The following GALNT4 variants were observed in gnomAD, a reference collection of about 807,000 sequenced individuals.
GALNT4 encodes the protein polypeptide N-acetylgalactosaminyltransferase 4, also known as UDP-GalNAc:polypeptide N-acetylgalactosaminyltransferase 4.
Under a neutral mutation model 45.1 loss-of-function variants are expected in GALNT4, and 23 were observed. The ratio of observed to expected loss-of-function variants is 0.51; its 90% CI spans 0.37 to 0.72. The LOEUF is 0.72. Among genes scored for constraint, GALNT4 ranks in the 30% least tolerant of loss-of-function variants. The pLI is 0.00. For missense variants in GALNT4, 757 were observed against 709.0 expected, an observed-to-expected ratio of 1.07 and a Z score of -0.77; for synonymous variants, 264 against 257.6, an observed-to-expected ratio of 1.02 and a Z score of -0.24.
chr12:89,524,671 A>T lies in GALNT4; in HGVS notation c.-122T>A, dbSNP rs1014501331. 1 of 1,066,136 alleles carries T rather than the reference A, an allele frequency of 9.4e-7. No homozygotes were observed. The highest frequency in any genetic ancestry group is 1.6e-5 in the African/African-American group (1 of 62,788). The allele number at this position is 1,066,136 out of a possible 1,614,324, so 66.0% of individuals were successfully genotyped here. A position where few individuals can be genotyped will look rare whatever the true frequency, so the allele number is the denominator to read the frequency against. On this transcript the variant is annotated 5_prime_UTR_variant, in exon 1 of 1. Coordinates refer to ENST00000529983, the MANE Select transcript of GALNT4 (RefSeq NM_003774.5). ...AGGTTCTTCCTTTCATGCAGGCGCT[A>T]GGCTCCTTTCCAGCCACCCAGGCTT... is the stretch of plus-strand genomic sequence containing the variant.
At position 89,523,151 on chromosome 12, in the gene GALNT4, GGTT is replaced by G; in HGVS notation, c.1396_1398del (p.Asn466del). 6.2e-7 allele frequency: 1 copy of G among 1,613,666 alleles called. No individual in the cohort carries two copies. The highest frequency in any genetic ancestry group is 8.5e-7 in the Non-Finnish European group (1 of 1,179,636). ...AACAGTGAAAGGTTAGCACCTGTGG[GGTT>G]GTTGTCAGGAGAATTATAATCTAAA... On this transcript the variant is annotated inframe_deletion, in exon 1 of 1. Coordinates refer to ENST00000529983, the MANE Select transcript of GALNT4 (RefSeq NM_003774.5).
Position 89,524,669 on chromosome 12 carries a change from C to A in GALNT4, c.-120G>T. The A allele has an allele frequency of 1.9e-6, 2 of 1,077,114 alleles. No homozygotes were observed. Among genetic ancestry groups the A allele is most frequent in the Non-Finnish European group, 2.7e-6 (2 of 746,764 alleles). The allele number at this position is 1,077,114 out of a possible 1,614,324, so 66.7% of individuals were successfully genotyped here. On this transcript the variant is annotated 5_prime_UTR_variant, in exon 1 of 1. Coordinates refer to ENST00000529983, the MANE Select transcript of GALNT4 (RefSeq NM_003774.5). ...GCAGGTTCTTCCTTTCATGCAGGCG[C>A]TAGGCTCCTTTCCAGCCACCCAGGC...
At position 89,521,098 on chromosome 12, in the gene GALNT4, A is replaced by ATTTTTTTTTTTT. The variant is rs201411448; in HGVS notation, c.*1714_*1715insAAAAAAAAAAAA. 8.8e-6 allele frequency: 1 copy of ATTTTTTTTTTTT among 113,248 alleles called. No homozygotes were observed. The highest frequency in any genetic ancestry group is 3.5e-5 in the African/African-American group (1 of 28,636). 7.0% of individuals were successfully genotyped at this position (113,248 alleles called of 1,614,324 possible). On this transcript the variant is annotated 3_prime_UTR_variant, in exon 1 of 1. Coordinates refer to ENST00000529983, the MANE Select transcript of GALNT4 (RefSeq NM_003774.5). ...CACTTCAGGTGAGTTCAGCTCACTT[A>ATTTTTTTTTTTT]TTTTATTATTATTTTTTTTTTTTGA...
At position 89,521,472 on chromosome 12, in the gene GALNT4, T is replaced by G. The variant is rs1361303727; in HGVS notation, c.*1341A>C. Reference sequence around the variant, plus strand: ...ACAACTGGACTGAACATTGCTCAACTGCTCAACAACATTACCTATGTCAAA... The same window carrying G: ...ACAACTGGACTGAACATTGCTCAACGGCTCAACAACATTACCTATGTCAAA... On this transcript the variant is annotated 3_prime_UTR_variant, in exon 1 of 1. Coordinates refer to ENST00000529983, the MANE Select transcript of GALNT4 (RefSeq NM_003774.5). 4 of 152,384 alleles carry G rather than the reference T, an allele frequency of 2.6e-5. No homozygotes were observed. The highest frequency in any genetic ancestry group is 5.9e-5 in the Non-Finnish European group (4 of 68,076). 9.4% of individuals were successfully genotyped at this position (152,384 alleles called of 1,614,324 possible).
Position 89,524,286 on chromosome 12 carries a change from A to G in GALNT4, c.264T>C (p.Asp88=), listed in dbSNP as rs957707952. ...TGAGTTCTTCTTGCTGCTTCAGTTC[A>G]TCCTCGTTGAGCTGGAGTTTGCTGG... The part of the protein sequence containing the change: ...GKASKLQLNE[D]ELKQQEELIE... The change falls in exon 1 of 1, where the codon GAT becomes GAC. Residue 88 remains aspartate (D), a synonymous_variant. Coordinates refer to ENST00000529983, the MANE Select transcript of GALNT4 (RefSeq NM_003774.5). 5.6e-6 allele frequency: 9 copies of G among 1,613,868 alleles called. No individual in the cohort carries two copies. The highest frequency in any genetic ancestry group is 5.0e-5 in the Admixed American group (3 of 60,006).
Position 89,523,889 on chromosome 12 carries a change from C to T in GALNT4, c.661G>A (p.Asp221Asn), listed in dbSNP as rs1345066115. Residue 221 changes from aspartate to asparagine, a missense_variant, in exon 1 of 1, where the codon GAC becomes AAC. Coordinates refer to ENST00000529983, the MANE Select transcript of GALNT4 (RefSeq NM_003774.5). ...TGACAATCCAGGAAAGTGAGGACGT[C>T]CCCAGTGGCGAAAGTGGCCCCAATC... ...RLIGATFATG[D>N]VLTFLDCHCE... The T allele has an allele frequency of 6.3e-7, 1 of 1,581,856 alleles. No homozygotes were observed. Among genetic ancestry groups the T allele is most frequent in the Non-Finnish European group, 8.6e-7 (1 of 1,167,554 alleles).
rs751077687 is a variant in GALNT4, at chr12:89,522,822, A to C, written c.1728T>G (p.Phe576Leu). The change falls in exon 1 of 1, where the codon TTT becomes TTG. Residue 576 changes from phenylalanine (F) to leucine (L), a missense_variant. Phe to Leu is a conservative substitution (Grantham distance 22). Coordinates refer to ENST00000529983, the MANE Select transcript of GALNT4 (RefSeq NM_003774.5). Reference sequence around the variant, plus strand: ...AAAGTGCTGTTGTGCTCTATTTCTCAAAACTCCAAATTTGATTTTTATCTA... The same window carrying C: ...AAAGTGCTGTTGTGCTCTATTTCTCCAAACTCCAAATTTGATTTTTATCTA... The part of the protein sequence containing the change: ...DALDKNQIWS[F>L]EK 1.3e-6 allele frequency: 2 copies of C among 1,580,346 alleles called. No homozygotes were observed. The highest frequency in any genetic ancestry group is 1.7e-6 in the Non-Finnish European group (2 of 1,164,874).
In GALNT4 at chr12:89,524,317, C is replaced by A. The variant is rs1871216155; in HGVS notation, c.233G>T (p.Gly78Val). Residue 78 changes from glycine to valine, a missense_variant, in exon 1 of 1, where the codon GGG becomes GTG. Physicochemically the swap from Gly to Val is moderately radical, Grantham distance 109. Coordinates refer to ENST00000529983, the MANE Select transcript of GALNT4 (RefSeq NM_003774.5). ...GTTGAGCTGGAGTTTGCTGGCTTTC[C>A]CCCACTCCCCAAGTGCACGGGAATC... ...PADSRALGEW[G>V]KASKLQLNED... The A allele has an allele frequency of 4.3e-6, 7 of 1,613,940 alleles. No individual in the cohort carries two copies. Among genetic ancestry groups the A allele is most frequent in the Non-Finnish European group, 5.1e-6 (6 of 1,179,886 alleles).
In GALNT4 at chr12:89,523,859, C is replaced by A; in HGVS notation, c.691G>T (p.Glu231Ter). The change falls in exon 1 of 1, where the codon GAG becomes TAG. Residue 231 changes from glutamate (E) to a stop codon, truncating the protein, a stop_gained. Transcript: ENST00000529983. LOFTEE classifies it high-confidence loss of function. ...GGTTCCAGCCAACCGGAATTACACT[C>A]ACAGTGACAATCCAGGAAAGTGAGG... ...DVLTFLDCHC[E>*]CNSGWLEPLL... 3 of 1,560,442 alleles carry A rather than the reference C, an allele frequency of 1.9e-6. No individual in the cohort carries two copies. Among genetic ancestry groups the A allele is most frequent in the Admixed American group, 2.0e-5 (1 of 50,280 alleles).
chr12:89,522,805 G>A lies in GALNT4; in HGVS notation c.*8C>T. 1 of 1,567,726 alleles carries A rather than the reference G, an allele frequency of 6.4e-7. No individual in the cohort carries two copies. Among genetic ancestry groups the A allele is most frequent in the South Asian group, 1.2e-5 (1 of 82,350 alleles). On this transcript the variant is annotated 3_prime_UTR_variant, in exon 1 of 1. Transcript: ENST00000529983. ...ACTGTCAGCTCATGACGAAAGTGCT[G>A]TTGTGCTCTATTTCTCAAAACTCCA...
chr12:89,522,944 C>T lies in GALNT4; in HGVS notation c.1606G>A (p.Asp536Asn). Residue 536 changes from aspartate (D) to asparagine (N), a missense_variant, in exon 1 of 1, where the codon GAT becomes AAT. By Grantham distance (23) the Asp-to-Asn change is conservative. Coordinates refer to ENST00000529983, the MANE Select transcript of GALNT4 (RefSeq NM_003774.5). Reference sequence around the variant, plus strand: ...GAGTGTGGGTGAAAAATAGTTCCATCTTCTTTAAAATGCCAAATAATGTTT... The same window carrying T: ...GAGTGTGGGTGAAAAATAGTTCCATTTTCTTTAAAATGCCAAATAATGTTT... ...PANIIWHFKE[D>N]GTIFHPHSGL... 6.2e-7 allele frequency: 1 copy of T among 1,614,068 alleles called. No individual in the cohort carries two copies. The highest frequency in any genetic ancestry group is 8.5e-7 in the Non-Finnish European group (1 of 1,179,900).
chr12:89,523,890 C>T lies in GALNT4; in HGVS notation c.660G>A (p.Gly220=), dbSNP rs1360658345. 8 of 1,582,170 alleles carry T rather than the reference C, an allele frequency of 5.1e-6. No homozygotes were observed. In the South Asian group the frequency reaches 9.4e-5, roughly 19 times the overall value. ...ARLIGATFAT[G]DVLTFLDCHC... ...GACAATCCAGGAAAGTGAGGACGTC[C>T]CCAGTGGCGAAAGTGGCCCCAATCA... is the stretch of plus-strand genomic sequence containing the variant. Residue 220 remains glycine, a synonymous_variant, in exon 1 of 1, where the codon GGG becomes GGA. Transcript: ENST00000529983.
In GALNT4 at chr12:89,524,613, G is replaced by A; in HGVS notation, c.-64C>T. ...GCCACCACGCAGGGGAAGGGCGGCGGAACCCACAGCTCGAGCTCAGGTACT... is the reference window on the plus strand; with the variant it reads ...GCCACCACGCAGGGGAAGGGCGGCGAAACCCACAGCTCGAGCTCAGGTACT... On this transcript the variant is annotated 5_prime_UTR_variant, in exon 1 of 1. Transcript: ENST00000529983. The A allele has an allele frequency of 1.9e-6, 3 of 1,546,152 alleles. No individual in the cohort carries two copies. In the Admixed American group the frequency reaches 5.3e-5, roughly 27 times the overall value.
chr12:89,524,609 GGC>G lies in GALNT4; in HGVS notation c.-62_-61del, dbSNP rs753409061. On this transcript the variant is annotated 5_prime_UTR_variant, in exon 1 of 1. An upstream open reading frame in the 5' UTR gains an earlier in-frame stop. Transcript: ENST00000529983. ...CCAAGCCACCACGCAGGGGAAGGGCGGCGGAACCCACAGCTCGAGCTCAGGTA... is the reference window on the plus strand; with the variant it reads ...CCAAGCCACCACGCAGGGGAAGGGCGGGAACCCACAGCTCGAGCTCAGGTA... 5.3e-4 allele frequency: 829 copies of G among 1,563,070 alleles called. No homozygotes were observed. Among genetic ancestry groups the G allele is most frequent in the Non-Finnish European group, 6.2e-4 (703 of 1,142,152 alleles).
rs1871055963 is a variant in GALNT4, at chr12:89,523,141, G to GCTT, written c.1408_1409insAAG (p.Gly469_Ala470insGlu). ...ATGGCATCCAAACAGTGAAAGGTTA[G>GCTT]CACCTGTGGGGTTGTTGTCAGGAGA... On this transcript the variant is annotated inframe_insertion, in exon 1 of 1. Transcript: ENST00000529983. 4.3e-6 allele frequency: 7 copies of GCTT among 1,613,854 alleles called. No individual in the cohort carries two copies. Among genetic ancestry groups the GCTT allele is most frequent in the Non-Finnish European group, 4.2e-6 (5 of 1,179,756 alleles).
rs1250294964 is a variant in GALNT4, at chr12:89,522,802, G to T, written c.*11C>A. The T allele has an allele frequency of 5.8e-6, 9 of 1,558,306 alleles. No individual in the cohort carries two copies. Among genetic ancestry groups the T allele is most frequent in the Non-Finnish European group, 6.1e-6 (7 of 1,154,992 alleles). On this transcript the variant is annotated 3_prime_UTR_variant, in exon 1 of 1. Coordinates refer to ENST00000529983, the MANE Select transcript of GALNT4 (RefSeq NM_003774.5). ...ACTACTGTCAGCTCATGACGAAAGT[G>T]CTGTTGTGCTCTATTTCTCAAAACT...
Position 89,524,254 on chromosome 12 carries a change from C to A in GALNT4, c.296G>T (p.Arg99Ile), listed in dbSNP as rs757121302. The change falls in exon 1 of 1, where the codon AGA (arginine) becomes ATA (isoleucine). Residue 99 changes from arginine (R) to isoleucine (I), a missense_variant. By Grantham distance (97) the Arg-to-Ile change is moderately conservative. Transcript: ENST00000529983. ...ELKQQEELIE[R>I]YAINIYLSDR... ...ACTGAGGTAAATATTGATGGCGTATCTCTCAATGAGTTCTTCTTGCTGCTT... is the reference window on the plus strand; with the variant it reads ...ACTGAGGTAAATATTGATGGCGTATATCTCAATGAGTTCTTCTTGCTGCTT... 45 of 1,613,856 alleles carry A rather than the reference C, an allele frequency of 2.8e-5. No individual in the cohort carries two copies. Among genetic ancestry groups the A allele is most frequent in the Non-Finnish European group, 3.7e-5 (44 of 1,179,876 alleles).
chr12:89,524,446 G>A lies in GALNT4; in HGVS notation c.104C>T (p.Ser35Phe). 6.2e-7 allele frequency: 1 copy of A among 1,613,908 alleles called. No individual in the cohort carries two copies. The highest frequency in any genetic ancestry group is 8.5e-7 in the Non-Finnish European group (1 of 1,179,888). The change falls in exon 1 of 1, where the codon TCC becomes TTC. Residue 35 changes from serine to phenylalanine, a missense_variant. Coordinates refer to ENST00000529983, the MANE Select transcript of GALNT4 (RefSeq NM_003774.5). ...CTCCCTGGCACGGCCGGCTCCTGCGGAGGCATGAAAAGTAGAGACCAAGAG... is the reference window on the plus strand; with the variant it reads ...CTCCCTGGCACGGCCGGCTCCTGCGAAGGCATGAAAAGTAGAGACCAAGAG... ...VELLVSTFHA[S>F]AGAGRARELG...
rs904742193 is a variant in GALNT4 at position 89,524,223 on chromosome 12, C to T, written c.327G>A (p.Arg109=). The T allele has an allele frequency of 1.9e-6, 3 of 1,613,826 alleles. No homozygotes were observed. The highest frequency in any genetic ancestry group is 1.3e-5 in the African/African-American group (1 of 74,878). ...RYAINIYLSD[R]ISLHRHIEDK... ...CCTCTATGTGTCGATGCAGGGAAATCCTGTCACTGAGGTAAATATTGATGG... is the reference window on the plus strand; with the variant it reads ...CCTCTATGTGTCGATGCAGGGAAATTCTGTCACTGAGGTAAATATTGATGG... The change falls in exon 1 of 1, where the codon AGG becomes AGA. Residue 109 remains arginine (R), a synonymous_variant. Transcript: ENST00000529983.
Sources: allele counts gnomAD v4.1 joint callset, GRCh38; gene constraint gnomAD v4.1.1; transcripts MANE v1.5; gene names NCBI Gene and HGNC (gene_info 2026-07-23, HGNC 2026-07-21).